TDRD3: variants seen among roughly 807,000 people sequenced by gnomAD.
TDRD3 encodes tudor domain containing 3.
TDRD3 carries 45 observed loss-of-function variants against 86.7 expected under a neutral mutation model. The observed-to-expected ratio is 0.52, with a 90% CI of 0.41 to 0.67. TDRD3 has a LOEUF of 0.67. TDRD3 is among the 30% of genes least tolerant of loss of function. The pLI is 0.00. For missense variants in TDRD3, 814 were observed against 889.0 expected, an observed-to-expected ratio of 0.92 and a Z score of 1.07; for synonymous variants, 298 against 301.7, an observed-to-expected ratio of 0.99 and a Z score of 0.13.
intron 12 of TDRD3, among the ~76,000 whole-genome samples, chr13:60,545,479 G>A (rs1339019183): frequency 1.3e-5 from 2 of 152,080 alleles, no homozygotes; most frequent in Non-Finnish European, 2.9e-5. Context: ...TTAGAAGTCA[G>A]TTTAATTTTA....
chr13:60,551,692 A>G (rs751503991), intron 12 of TDRD3, among the ~76,000 whole-genome samples: 69 of 152,206 alleles, frequency 4.5e-4, no homozygotes, highest in Non-Finnish European at 7.9e-4. Context: ...GTCAACATAA[A>G]GATACTACCT....
intron 3 of TDRD3, among the ~76,000 whole-genome samples, chr13:60,459,024 T>G (rs1002461422): frequency 6.6e-6 from 1 of 152,236 alleles, no homozygotes; most frequent in Non-Finnish European, 1.5e-5. Flanking sequence ...CTTGGAATTT[T>G]TTTTCGTAAG....
intron 8 of TDRD3, among the ~76,000 whole-genome samples, chr13:60,500,245 C>T (rs1956803647): frequency 6.6e-6 from 1 of 152,208 alleles, no homozygotes; most frequent in Non-Finnish European, 1.5e-5. Flanking sequence ...TGACCTATCT[C>T]ACCATAAAAT....
At chr13:60,541,352 A>G (rs1363802047) in intron 12 of TDRD3, among the ~76,000 whole-genome samples, 2 of 152,034 alleles carry the variant, frequency 1.3e-5, no homozygotes, top group African/African-American at 2.4e-5. Context: ...TTTTTAGTAG[A>G]AACAGGGTTT....
chr13:60,559,880 C>G (rs1452430331), intron 12 of TDRD3, among the ~76,000 whole-genome samples: 1 of 151,774 alleles, frequency 6.6e-6, no homozygotes, highest in Admixed American at 6.6e-5. Flanking sequence ...CAAGGTAGAT[C>G]TTGTGTTCTT....
intron 5 of TDRD3, among the ~76,000 whole-genome samples, chr13:60,474,694 C>G (rs949756380): frequency 2.0e-5 from 3 of 152,170 alleles, no homozygotes; most frequent in Non-Finnish European, 4.4e-5. Flanking sequence ...GGTCACAACA[C>G]GTTTTAATTT....
intron 12 of TDRD3, among the ~76,000 whole-genome samples, chr13:60,538,843 C>G (rs1279511128): frequency 1.3e-5 from 2 of 152,110 alleles, no homozygotes; most frequent in Non-Finnish European, 2.9e-5. Flanking sequence ...AATTGCTCTC[C>G]TAAACCTGGG....
intron 1 of TDRD3, among the ~76,000 whole-genome samples, chr13:60,433,784 T>C (rs1240236034): frequency 6.6e-6 from 1 of 152,212 alleles, no homozygotes; most frequent in Non-Finnish European, 1.5e-5. Context: ...CTGCCCCCTT[T>C]AGCTCAGTCA....
At chr13:60,491,453 A>G (rs1475803994) in intron 7 of TDRD3, among the ~76,000 whole-genome samples, 1 of 152,218 alleles carries the variant, frequency 6.6e-6, no homozygotes, top group African/African-American at 2.4e-5. Context: ...GCTAATAATG[A>G]ACCCTGTAAC....
intron 1 of TDRD3, among the ~76,000 whole-genome samples, chr13:60,412,069 T>C (rs189909110): frequency 2.0e-4 from 30 of 152,306 alleles, no homozygotes; most frequent in African/African-American, 7.0e-4. Flanking sequence ...CTGAGAACTG[T>C]GGCCTAGCTC....
intron 5 of TDRD3, among the ~76,000 whole-genome samples, chr13:60,471,390 G>T (rs1485325682): frequency 6.6e-6 from 1 of 152,036 alleles, no homozygotes; most frequent in Non-Finnish European, 1.5e-5. Flanking sequence ...TGTTTCACTG[G>T]TCTAAATGTC....
chr13:60,534,067 T>G (rs993980212), intron 11 of TDRD3, among the ~76,000 whole-genome samples: 1 of 152,134 alleles, frequency 6.6e-6, no homozygotes, highest in Non-Finnish European at 1.5e-5. Context: ...TCCCAACACT[T>G]TGGGAGGCCA....
intron 1 of TDRD3, among the ~76,000 whole-genome samples, chr13:60,399,241 G>A (rs1954030049): frequency 6.6e-6 from 1 of 152,228 alleles, no homozygotes; most frequent in Non-Finnish European, 1.5e-5. Context: ...CTCTGCAGAA[G>A]CTTAGGTAGA....
intron 10 of TDRD3, 92 bp from the exon 11 acceptor site, chr13:60,528,275 T>C: frequency 7.5e-7 from 1 of 1,332,316 alleles, no homozygotes; most frequent in South Asian, 1.8e-5. Context: ...AGTAGTTTGA[T>C]AATTTTGTAT....
At chr13:60,496,280 CA>C (rs1956710341) in intron 8 of TDRD3, among the ~76,000 whole-genome samples, 1 of 104,748 alleles carries the variant, frequency 9.5e-6, no homozygotes, top group East Asian at 3.4e-4. Context: ...TAATACTTAA[CA>C]AACTCCCATA....
chr13:60,456,434 A>G (rs1174296690), intron 3 of TDRD3, among the ~76,000 whole-genome samples: 1 of 152,182 alleles, frequency 6.6e-6, no homozygotes, highest in African/African-American at 2.4e-5. Flanking sequence ...ATTGTTTGTT[A>G]GAGTTAGACA....
chr13:60,544,817 A>G (rs1957901658), intron 12 of TDRD3, among the ~76,000 whole-genome samples: 2 of 152,324 alleles, frequency 1.3e-5, no homozygotes, highest in South Asian at 4.1e-4. Flanking sequence ...GAGTTCATGC[A>G]AAGGAACTCT....
chr13:60,471,291 A>G (rs1566219050), intron 5 of TDRD3, among the ~76,000 whole-genome samples: 1 of 152,126 alleles, frequency 6.6e-6, no homozygotes, highest in Non-Finnish European at 1.5e-5. Flanking sequence ...CTACTTTTTG[A>G]AAATAGTGTT....
intron 12 of TDRD3, among the ~76,000 whole-genome samples, chr13:60,548,588 C>A (rs1055749830): frequency 1.3e-5 from 2 of 152,026 alleles, no homozygotes; most frequent in African/African-American, 2.4e-5. Context: ...AGCCTTGAAC[C>A]ATTCACTTAT....
Sources: allele counts gnomAD v4.1 joint callset (sites outside exome capture counted in the v4.1 genomes callset), GRCh38; gene constraint gnomAD v4.1.1; transcripts MANE v1.5; gene names NCBI Gene and HGNC (gene_info 2026-07-23, HGNC 2026-07-21).